The following GAN variants were observed in gnomAD, a reference collection of about 807,000 sequenced individuals.
GAN encodes gigaxonin, also known as epididymis secretory sperm binding protein.
GAN carries 48 observed loss-of-function variants against 71.3 expected under a neutral mutation model. The ratio of observed to expected loss-of-function variants is 0.67; its 90% CI spans 0.53 to 0.86. The LOEUF is 0.86. GAN is among the 40% of genes least tolerant of loss of function. GAN has a pLI of 0.00. For synonymous variants in GAN, 386 were observed against 276.8 expected, an observed-to-expected ratio of 1.39 and a Z score of -3.92; for missense variants, 928 against 770.1, an observed-to-expected ratio of 1.21 and a Z score of -2.43.
chr16:81,341,120 G>A lies in GAN; in HGVS notation c.168-10463G>A, dbSNP rs140877819. Reference sequence around the variant, plus strand: ...AAAGGAGTGAAAAGAAATGAAGAAAGCCTTCAAGAAATATGGGACTATGTG... The same window carrying A: ...AAAGGAGTGAAAAGAAATGAAGAAAACCTTCAAGAAATATGGGACTATGTG... On this transcript the variant is annotated intron_variant, in intron 1 of 10. Coordinates refer to ENST00000648994, the MANE Select transcript of GAN (RefSeq NM_022041.4). Among the ~76,000 whole-genome samples, 167 of 152,106 alleles carry A rather than the reference G, an allele frequency of 1.1e-3. 1 individual carries two copies. Among genetic ancestry groups the A allele is most frequent in the African/African-American group, 3.8e-3 (159 of 41,506 alleles).
rs1249164735 is a variant in GAN at position 81,381,106 on chromosome 16, C to A, written c.*3510C>A. ...TTCCCTAGTCAATGCATAGGAAATA[C>A]ATTCTTTGTACAAACGTGGTAAAGA... On this transcript the variant is annotated 3_prime_UTR_variant, in exon 11 of 11. Coordinates refer to ENST00000648994, the MANE Select transcript of GAN (RefSeq NM_022041.4). 1.3e-5 allele frequency: 2 copies of A among 152,128 alleles called. No individual in the cohort carries two copies. Among genetic ancestry groups the A allele is most frequent in the Admixed American group, 1.3e-4 (2 of 15,268 alleles). 9.4% of individuals were successfully genotyped at this position (152,128 alleles called of 1,614,324 possible).
At chr16:81,325,992 A>G (rs1215679158) in intron 1 of GAN, among the ~76,000 whole-genome samples, 2 of 152,122 alleles carry the variant, frequency 1.3e-5, no homozygotes, top group Admixed American at 1.3e-4. Flanking sequence ...TCATCCTTCA[A>G]GGCCTGGTTC....
At position 81,315,084 on chromosome 16, in the gene GAN, G is replaced by A. The variant is rs1398538706; in HGVS notation, c.-30G>A. On this transcript the variant is annotated 5_prime_UTR_variant, in exon 1 of 11. Transcript: ENST00000648994. ...GTCCGGCCGGACGGTGTCGGGAGCCGGACCCGTCGGCAGAGGAGCGGGCGC... is the reference window on the plus strand; with the variant it reads ...GTCCGGCCGGACGGTGTCGGGAGCCAGACCCGTCGGCAGAGGAGCGGGCGC... 13 of 1,460,752 alleles carry A rather than the reference G, an allele frequency of 8.9e-6. No individual in the cohort carries two copies. Among genetic ancestry groups the A allele is most frequent in the Non-Finnish European group, 1.2e-5 (13 of 1,100,274 alleles). 90.5% of individuals were successfully genotyped at this position (1,460,752 alleles called of 1,614,324 possible). A position where few individuals can be genotyped will look rare whatever the true frequency, so the allele number is the denominator to read the frequency against.
In GAN at chr16:81,380,003, G is replaced by A. The variant is rs1904297339; in HGVS notation, c.*2407G>A. The A allele has an allele frequency of 6.6e-6, 1 of 152,226 alleles. No homozygotes were observed. The allele number at this position is 152,226 out of a possible 1,614,324, so 9.4% of individuals were successfully genotyped here. A position where few individuals can be genotyped will look rare whatever the true frequency, so the allele number is the denominator to read the frequency against. On this transcript the variant is annotated 3_prime_UTR_variant, in exon 11 of 11. Coordinates refer to ENST00000648994, the MANE Select transcript of GAN (RefSeq NM_022041.4). The stretch of plus-strand genomic sequence containing the variant: ...AAAATAAATTTGCCACATAATATGG[G>A]ATGCAATAACCAACAAAGCTGCTAA...
In GAN at chr16:81,387,853, G is replaced by A. The variant is rs1192916098; in HGVS notation, c.*10257G>A. 1 of 152,114 alleles carries A rather than the reference G, an allele frequency of 6.6e-6. No individual in the cohort carries two copies. The highest frequency in any genetic ancestry group is 1.5e-5 in the Non-Finnish European group (1 of 68,014). The allele number at this position is 152,114 out of a possible 1,614,324, so 9.4% of individuals were successfully genotyped here. ...AAAATTAAAAAAAAAGGTCTGCTCA[G>A]AAATAGGGGAAACACGGGATCAAGA... On this transcript the variant is annotated 3_prime_UTR_variant, in exon 11 of 11. Transcript: ENST00000648994.
intron 1 of GAN, among the ~76,000 whole-genome samples, chr16:81,347,736 A>C (rs1241291485): frequency 6.6e-6 from 1 of 152,082 alleles, no homozygotes; most frequent in African/African-American, 2.4e-5. Context: ...TTTAACTTTC[A>C]TTTACAAGTA....
intron 7 of GAN, 60 bp downstream of exon 7, chr16:81,364,003 G>T: frequency 8.2e-7 from 1 of 1,223,090 alleles, no homozygotes; most frequent in Non-Finnish European, 1.2e-6. Context: ...AACTTAATGT[G>T]TCTTCATATC....
intron 7 of GAN, among the ~76,000 whole-genome samples, chr16:81,364,545 C>T (rs544092793): frequency 8.5e-5 from 13 of 152,226 alleles, no homozygotes; most frequent in Admixed American, 2.0e-4. Context: ...TAAAGTTAGC[C>T]GGGCACAGTG....
At chr16:81,342,845 T>G (rs754641468) in intron 1 of GAN, among the ~76,000 whole-genome samples, 8 of 152,186 alleles carry the variant, frequency 5.3e-5, no homozygotes, top group Non-Finnish European at 8.8e-5. Context: ...AGGAACTGGT[T>G]TTTTGAAAAG....
chr16:81,376,503 G>GTGTA (rs1367928734), intron 9 of GAN, among the ~76,000 whole-genome samples: 35 of 139,004 alleles, frequency 2.5e-4, no homozygotes, highest in Non-Finnish European at 3.1e-4. Context: ...GTGTGTGTGT[G>GTGTA]TGTGTGTATG....
chr16:81,339,523 G>A (rs984449642), intron 1 of GAN, among the ~76,000 whole-genome samples: 4 of 152,216 alleles, frequency 2.6e-5, no homozygotes, highest in Non-Finnish European at 5.9e-5. Context: ...GCTGGGCTAG[G>A]TTGTCAGCAT....
At chr16:81,348,891 T>G (rs1298921130) in intron 1 of GAN, among the ~76,000 whole-genome samples, 2 of 152,198 alleles carry the variant, frequency 1.3e-5, no homozygotes, top group African/African-American at 4.8e-5. Flanking sequence ...GCTTTCAGTA[T>G]TTTAGGAGCA....
At chr16:81,331,656 C>G (rs1909581943) in intron 1 of GAN, among the ~76,000 whole-genome samples, 1 of 152,208 alleles carries the variant, frequency 6.6e-6, no homozygotes, top group Non-Finnish European at 1.5e-5. Flanking sequence ...CACCCTGTCC[C>G]CTCATACACA....
chr16:81,323,077 A>G (rs891890256), intron 1 of GAN, among the ~76,000 whole-genome samples: 4 of 152,208 alleles, frequency 2.6e-5, no homozygotes, highest in Admixed American at 1.3e-4. Flanking sequence ...AGCAGGACCC[A>G]TTGGTTAATT....
chr16:81,374,916 G>A (rs987978283), intron 9 of GAN, among the ~76,000 whole-genome samples: 1 of 152,166 alleles, frequency 6.6e-6, no homozygotes, highest in African/African-American at 2.4e-5. Flanking sequence ...CTAGCTATCT[G>A]TATGGAAGAA....
intron 1 of GAN, among the ~76,000 whole-genome samples, chr16:81,335,738 C>A (rs1192202127): frequency 1.9e-5 from 2 of 107,634 alleles, no homozygotes; most frequent in African/African-American, 3.9e-5. Flanking sequence ...CTGAATGAGA[C>A]TCAGTCTCAA....
At chr16:81,358,752 C>T (rs1183900843) in intron 5 of GAN, among the ~76,000 whole-genome samples, 1 of 152,174 alleles carries the variant, frequency 6.6e-6, no homozygotes, top group Non-Finnish European at 1.5e-5. Context: ...CCAAAGCTCT[C>T]CCTTAAGGAG....
chr16:81,377,736 A>G lies in GAN; in HGVS notation c.*140A>G, dbSNP rs58458035. The G allele has an allele frequency of 4.5e-4, 368 of 818,578 alleles. No homozygotes were observed. In the African/African-American group the frequency reaches 4.8e-3, roughly 11 times the overall value. 50.7% of individuals were successfully genotyped at this position (818,578 alleles called of 1,614,324 possible). A position where few individuals can be genotyped will look rare whatever the true frequency, so the allele number is the denominator to read the frequency against. On this transcript the variant is annotated 3_prime_UTR_variant, in exon 11 of 11. Transcript: ENST00000648994. The stretch of plus-strand genomic sequence containing the variant: ...ACTCTTTGGTGGTTTTATGATGCTT[A>G]CAAACTTGAGCTTTAGCTCTTGTTT...
chr16:81,347,954 C>G (rs936340161), intron 1 of GAN, among the ~76,000 whole-genome samples: 1 of 151,906 alleles, frequency 6.6e-6, no homozygotes, highest in Non-Finnish European at 1.5e-5. Flanking sequence ...GGTGTTGAAC[C>G]TTCTGGACTG....
Sources: allele counts gnomAD v4.1 joint callset (sites outside exome capture counted in the v4.1 genomes callset), GRCh38; gene constraint gnomAD v4.1.1; transcripts MANE v1.5; gene names NCBI Gene and HGNC (gene_info 2026-07-23, HGNC 2026-07-21).